GAPVD1: variants seen among roughly 807,000 people sequenced by gnomAD.
The protein encoded by GAPVD1 is GTPase activating protein and VPS9 domains 1.
A neutral mutation model predicts 155.5 loss-of-function variants in GAPVD1; 35 were observed. The observed-to-expected ratio is 0.23, with a 90% CI of 0.17 to 0.30. The LOEUF (loss-of-function observed/expected upper bound fraction) is 0.30. GAPVD1 is among the 10% of genes least tolerant of loss of function. GAPVD1 has a pLI of 1.00. For missense variants in GAPVD1, 1,429 were observed against 1,775.7 expected, an observed-to-expected ratio of 0.80 and a Z score of 3.51; for synonymous variants, 636 against 619.7, an observed-to-expected ratio of 1.03 and a Z score of -0.39.
chr9:125,264,907 G>A (rs1375561181), intron 1 of GAPVD1, among the ~76,000 whole-genome samples: 2 of 151,600 alleles, frequency 1.3e-5, no homozygotes, highest in Non-Finnish European at 1.5e-5. Flanking sequence ...TAGTAGAAAC[G>A]GGGTTTCACC....
rs1833179240 is a variant in GAPVD1, at chr9:125,262,963, C to T, written c.-199+1004C>T. 2.0e-5 allele frequency among the ~76,000 whole-genome samples: 3 copies of T among 149,300 alleles called. No individual in the cohort carries two copies. In the South Asian group the frequency reaches 6.3e-4, roughly 31 times the overall value. On this transcript the variant is annotated intron_variant, in intron 1 of 27. Coordinates refer to ENST00000297933, the MANE Select transcript of GAPVD1 (RefSeq NM_001282680.3). ...AGAATATCATTTATGGTTAACACTT[C>T]TTTGAATTTCTGGTGTTACTAGACC...
intron 13 of GAPVD1, among the ~76,000 whole-genome samples, chr9:125,330,561 C>T (rs1356303816): frequency 1.3e-5 from 2 of 152,148 alleles, no homozygotes; most frequent in Admixed American, 1.3e-4. Context: ...AGGTGATCTG[C>T]CCACCTTGGC....
chr9:125,340,161 T>C (rs557178497), intron 17 of GAPVD1, among the ~76,000 whole-genome samples: 3 of 152,196 alleles, frequency 2.0e-5, no homozygotes, highest in East Asian at 3.9e-4. Context: ...GCTGGGATTA[T>C]AGGCGAGCAC....
intron 25 of GAPVD1, among the ~76,000 whole-genome samples, chr9:125,356,894 C>T (rs1164745458): frequency 6.6e-6 from 1 of 152,118 alleles, no homozygotes; most frequent in African/African-American, 2.4e-5. Context: ...AGGCTGGTGT[C>T]GAACTTCTGA....
At chr9:125,355,520 C>A in intron 24 of GAPVD1, 124 bp from the exon 25 acceptor site, 1 of 627,554 alleles carries the variant, frequency 1.6e-6, no homozygotes. Context: ...CACTGAAACA[C>A]TTTTGGCTTT....
chr9:125,270,514 G>T (rs1834725632), intron 2 of GAPVD1, among the ~76,000 whole-genome samples: 1 of 152,138 alleles, frequency 6.6e-6, no homozygotes, highest in African/African-American at 2.4e-5. Flanking sequence ...TATGTATTAT[G>T]ATTTTGTAAA....
Position 125,363,973 on chromosome 9 carries a change from G to GCA in GAPVD1, c.*1231_*1232dup, listed in dbSNP as rs1851260852. 1 of 152,438 alleles carries GCA rather than the reference G, an allele frequency of 6.6e-6. No individual in the cohort carries two copies. Among genetic ancestry groups the GCA allele is most frequent in the South Asian group, 2.1e-4 (1 of 4,806 alleles). 9.4% of individuals were successfully genotyped at this position (152,438 alleles called of 1,614,324 possible). A position where few individuals can be genotyped will look rare whatever the true frequency, so the allele number is the denominator to read the frequency against. On this transcript the variant is annotated 3_prime_UTR_variant, in exon 28 of 28. Coordinates refer to ENST00000297933, the MANE Select transcript of GAPVD1 (RefSeq NM_001282680.3). ...GGTGCCTGAAAAATTGGCCATGGAG[G>GCA]CACACCAAAGCTTCAAGCACAAGTC...
intron 8 of GAPVD1, chr9:125,308,474 A>G (rs1842196583): frequency 6.6e-6 from 1 of 152,164 alleles, no homozygotes; most frequent in Admixed American, 6.6e-5. Flanking sequence ...ATTTTCATTA[A>G]CAATCAGTCT....
chr9:125,346,618 A>G (rs1848551885), intron 19 of GAPVD1: 2 of 611,696 alleles, frequency 3.3e-6, no homozygotes, highest in Admixed American at 2.5e-5. Context: ...TACTCTTCCC[A>G]ATTTCCTGCT....
intron 15 of GAPVD1, chr9:125,336,674 A>T: frequency 4.6e-6 from 1 of 215,484 alleles, no homozygotes; most frequent in South Asian, 7.1e-5. Flanking sequence ...AGGTGAGGGG[A>T]AGGCGAGGCT....
intron 2 of GAPVD1, among the ~76,000 whole-genome samples, chr9:125,293,881 T>A (rs948001864): frequency 3.9e-4 from 8 of 20,406 alleles, no homozygotes; most frequent in African/African-American, 1.3e-3. Flanking sequence ...TATATATATA[T>A]ATATATATAT....
chr9:125,360,786 G>A, intron 27 of GAPVD1, 61 bp downstream of exon 27: 2 of 1,220,806 alleles, frequency 1.6e-6, no homozygotes, highest in South Asian at 2.4e-5. Context: ...GTGGCACAGG[G>A]CTTCACACAA....
chr9:125,335,110 A>G (rs1208713127), intron 15 of GAPVD1: 4 of 684,750 alleles, frequency 5.8e-6, no homozygotes, highest in Non-Finnish European at 1.1e-5. Context: ...AATATCCACA[A>G]TTTTCTGAAA....
chr9:125,338,842 A>T (rs1847404856), intron 17 of GAPVD1, among the ~76,000 whole-genome samples: 1 of 152,130 alleles, frequency 6.6e-6, no homozygotes, highest in Non-Finnish European at 1.5e-5. Flanking sequence ...TACTTTAAAA[A>T]TATGTAACTA....
intron 17 of GAPVD1, among the ~76,000 whole-genome samples, chr9:125,340,375 T>G (rs1195663780): frequency 6.6e-6 from 1 of 152,198 alleles, no homozygotes; most frequent in African/African-American, 2.4e-5. Context: ...AACATGAACT[T>G]TAAAGTTGCT....
At chr9:125,334,356 G>T (rs1159282071) in intron 15 of GAPVD1, among the ~76,000 whole-genome samples, 1 of 151,582 alleles carries the variant, frequency 6.6e-6, no homozygotes, top group Admixed American at 6.6e-5. Context: ...CAACCCTTGA[G>T]TATACACCTT....
At chr9:125,315,756 AG>A (rs1018855536) in intron 9 of GAPVD1, among the ~76,000 whole-genome samples, 50 of 152,192 alleles carry the variant, frequency 3.3e-4, no homozygotes, top group African/African-American at 1.1e-3. Flanking sequence ...AGGAGACACC[AG>A]GGGGCACAAA....
At chr9:125,346,402 C>G in intron 19 of GAPVD1, 1 of 225,766 alleles carries the variant, frequency 4.4e-6, no homozygotes, top group Admixed American at 5.4e-5. Flanking sequence ...GGGTTTAAGT[C>G]TAAATTTGAA....
chr9:125,338,037 G>C (rs898092245), intron 17 of GAPVD1, among the ~76,000 whole-genome samples: 1 of 152,062 alleles, frequency 6.6e-6, no homozygotes, highest in East Asian at 1.9e-4. Context: ...CACCACACCC[G>C]GCTAATTTTT....
Sources: allele counts gnomAD v4.1 joint callset (sites outside exome capture counted in the v4.1 genomes callset), GRCh38; gene constraint gnomAD v4.1.1; transcripts MANE v1.5; gene names NCBI Gene and HGNC (gene_info 2026-07-23, HGNC 2026-07-21).